Variants in JAK2 observed in about 807,000 individuals in gnomAD.
The protein encoded by JAK2 is Janus kinase 2.
JAK2 carries 86 observed loss-of-function variants against 139.3 expected under a neutral mutation model. The observed-to-expected ratio is 0.62, with a 90% CI of 0.52 to 0.74. The LOEUF is 0.74. Among genes scored for constraint, JAK2 ranks in the 30% least tolerant of loss-of-function variants. The pLI is 0.00. For synonymous variants in JAK2, 490 were observed against 437.7 expected, an observed-to-expected ratio of 1.12 and a Z score of -1.49; for missense variants, 1,421 against 1,360.3, an observed-to-expected ratio of 1.04 and a Z score of -0.70.
At chr9:4,994,714 T>A (rs1188795006) in intron 2 of JAK2, among the ~76,000 whole-genome samples, 1 of 152,054 alleles carries the variant, frequency 6.6e-6, no homozygotes, top group African/African-American at 2.4e-5. Context: ...CTGGCTAAAT[T>A]TGGTATGTGT....
chr9:5,090,505 C>T lies in JAK2; in HGVS notation c.2821C>T (p.Leu941Phe), dbSNP rs756412885. 8.8e-6 allele frequency: 14 copies of T among 1,591,676 alleles called. No individual in the cohort carries two copies. The highest frequency in any genetic ancestry group is 1.2e-5 in the South Asian group (1 of 85,850). Reference sequence around the variant, plus strand: ...ACCATATGGAAGTTTACGAGACTATCTTCAAAAACATAAAGAACGGATAGA... The same window carrying T: ...ACCATATGGAAGTTTACGAGACTATTTTCAAAAACATAAAGAACGGATAGA... ...YLPYGSLRDY[L>F]QKHKERIDHI... is the part of the protein sequence containing the mutation. The change falls in exon 21 of 25, where the codon CTT (leucine) becomes TTT (phenylalanine). Residue 941 changes from leucine to phenylalanine, a missense_variant. Coordinates refer to ENST00000381652, the MANE Select transcript of JAK2 (RefSeq NM_004972.4).
intron 22 of JAK2, among the ~76,000 whole-genome samples, chr9:5,103,891 C>T (rs943695124): frequency 2.0e-5 from 3 of 151,982 alleles, no homozygotes; most frequent in Non-Finnish European, 2.9e-5. Flanking sequence ...CACAGCATAC[C>T]AGAATCTCTG....
chr9:5,022,124 C>A lies in JAK2; in HGVS notation c.137C>A (p.Ser46Tyr), dbSNP rs138655335. The A allele has an allele frequency of 5.5e-5, 89 of 1,613,896 alleles. No homozygotes were observed. In the African/African-American group the frequency reaches 9.2e-4, roughly 17 times the overall value. Reference sequence around the variant, plus strand: ...GTTCTTCAGGTGTATCTTTACCATTCCCTTGGGAAATCTGAGGCAGATTAT... The same window carrying A: ...GTTCTTCAGGTGTATCTTTACCATTACCTTGGGAAATCTGAGGCAGATTAT... ...DPVLQVYLYH[S>Y]LGKSEADYLT... Residue 46 changes from serine to tyrosine, a missense_variant, in exon 3 of 25, where the codon TCC becomes TAC. Ser to Tyr is a moderately radical substitution (Grantham distance 144). Transcript: ENST00000381652.
At chr9:5,035,604 A>C (rs573758258) in intron 4 of JAK2, among the ~76,000 whole-genome samples, 10 of 152,376 alleles carry the variant, frequency 6.6e-5, no homozygotes, top group African/African-American at 2.2e-4. Context: ...AACGTAATCC[A>C]GCATATAAAC....
chr9:5,080,685 T>TATGTA lies in JAK2; in HGVS notation c.2434+3_2434+7dup, dbSNP rs1470854756. ...ATCTTAACAGTTTGTTTACTCCAGG[T>TATGTA]ATGTATTTGAATGATCTTATTGATT... is the stretch of plus-strand genomic sequence containing the variant. On this transcript the variant is annotated splice_region_variant and intron_variant, in intron 18 of 24. Coordinates refer to ENST00000381652, the MANE Select transcript of JAK2 (RefSeq NM_004972.4). 3 of 1,562,550 alleles carry TATGTA rather than the reference T, an allele frequency of 1.9e-6. No homozygotes were observed. Among genetic ancestry groups the TATGTA allele is most frequent in the African/African-American group, 1.4e-5 (1 of 71,344 alleles).
intron 22 of JAK2, chr9:5,094,702 T>G (rs779267634): frequency 6.6e-6 from 1 of 152,176 alleles, no homozygotes; most frequent in African/African-American, 2.4e-5. Context: ...GTTTCAGGCT[T>G]CAATGTCGAA....
chr9:5,099,643 CTG>C (rs1299236738), intron 22 of JAK2: 1 of 152,234 alleles, frequency 6.6e-6, no homozygotes, highest in Non-Finnish European at 1.5e-5. Flanking sequence ...CTGTTTCCCA[CTG>C]TTTCCAACCT....
At chr9:5,112,648 CA>C in intron 22 of JAK2, 1 of 1,004,708 alleles carries the variant, frequency 1.0e-6, no homozygotes, top group Non-Finnish European at 1.4e-6. Flanking sequence ...AGCCCCAGAC[CA>C]AACTCCTTAT....
intron 2 of JAK2, among the ~76,000 whole-genome samples, chr9:5,009,700 T>C (rs542722936): frequency 1.3e-5 from 2 of 152,288 alleles, no homozygotes; most frequent in Admixed American, 1.3e-4. Context: ...ATATTTATGC[T>C]TTTTATGTGT....
At chr9:5,112,530 C>G in intron 22 of JAK2, 1 of 587,484 alleles carries the variant, frequency 1.7e-6, no homozygotes, top group South Asian at 2.3e-5. Flanking sequence ...AGCAGAAGGC[C>G]GAGTGGGAGA....
At chr9:5,120,367 A>G (rs879459290) in intron 22 of JAK2, among the ~76,000 whole-genome samples, 3 of 152,238 alleles carry the variant, frequency 2.0e-5, no homozygotes, top group Non-Finnish European at 2.9e-5. Context: ...AGCAAACACT[A>G]AATCTGAAGT....
chr9:5,027,867 C>G lies in JAK2; in HGVS notation c.227-1916C>G, dbSNP rs146408221. Among the ~76,000 whole-genome samples, 842 of 152,280 alleles carry G rather than the reference C, an allele frequency of 5.5e-3. 8 individuals carry two copies. The highest frequency in any genetic ancestry group is 0.019 in the African/African-American group (783 of 41,568). On this transcript the variant is annotated intron_variant, in intron 3 of 24. Transcript: ENST00000381652. ...AGCAATTCAGTCACGTCTTCAAGCT[C>G]CACTTCTAATTTTAGTTCTCTTGTT... is the stretch of plus-strand genomic sequence containing the variant.
chr9:5,041,233 C>A, intron 4 of JAK2: 1 of 1,467,642 alleles, frequency 6.8e-7, no homozygotes, highest in Non-Finnish European at 9.4e-7. Context: ...GCCCGGGGAC[C>A]AAGCGGCAGC....
At chr9:5,014,880 C>A (rs1273426444) in intron 2 of JAK2, among the ~76,000 whole-genome samples, 4 of 151,510 alleles carry the variant, frequency 2.6e-5, no homozygotes, top group Admixed American at 2.0e-4. Context: ...GCAGAAGTAA[C>A]CATTGTGTAT....
chr9:5,025,479 T>C (rs900886523), intron 3 of JAK2, among the ~76,000 whole-genome samples: 4 of 152,048 alleles, frequency 2.6e-5, no homozygotes, highest in African/African-American at 2.4e-5. Flanking sequence ...TTCTTCTGTC[T>C]CTTTCTTGCT....
At chr9:5,066,598 TTTGA>T (rs1327617489) in intron 9 of JAK2, 76 bp from the exon 10 acceptor site, 1 of 793,048 alleles carries the variant, frequency 1.3e-6, no homozygotes, top group African/African-American at 1.7e-5. Flanking sequence ...AGATTTGACT[TTTGA>T]TTGTTTTAGA....
intron 4 of JAK2, among the ~76,000 whole-genome samples, chr9:5,040,525 T>G (rs1816405139): frequency 6.6e-6 from 1 of 152,208 alleles, no homozygotes; most frequent in Non-Finnish European, 1.5e-5. Context: ...CACCCACAAA[T>G]GGGTTCCACA....
At chr9:5,112,801 T>A (rs1170942295) in intron 22 of JAK2, 1 of 549,262 alleles carries the variant, frequency 1.8e-6, no homozygotes, top group African/African-American at 1.9e-5. Flanking sequence ...TGCTTTCAGC[T>A]GCCCACCTGG....
chr9:5,003,809 T>G (rs945637465), intron 2 of JAK2, among the ~76,000 whole-genome samples: 1 of 151,982 alleles, frequency 6.6e-6, no homozygotes, highest in Non-Finnish European at 1.5e-5. Flanking sequence ...AGATCAATAT[T>G]TTACCATTAG....
Sources: allele counts gnomAD v4.1 joint callset (sites outside exome capture counted in the v4.1 genomes callset), GRCh38; gene constraint gnomAD v4.1.1; transcripts MANE v1.5; gene names NCBI Gene and HGNC (gene_info 2026-07-23, HGNC 2026-07-21).